ENAH: variants seen among roughly 807,000 people sequenced by gnomAD.
ENAH encodes the protein protein enabled homolog.
Under a neutral mutation model 78.7 loss-of-function variants are expected in ENAH, and 23 were observed. The ratio of observed to expected loss-of-function variants is 0.29; its 90% CI spans 0.21 to 0.41. ENAH has a LOEUF of 0.41. Ranked by LOEUF, ENAH falls within the 10% of genes least tolerant of loss-of-function variation. The probability of loss-of-function intolerance (pLI) is 1.00; values close to 1 mark genes in which losing one functional copy is unlikely to be tolerated. For synonymous variants in ENAH, 226 were observed against 241.0 expected (o/e 0.94, Z 0.58); for missense variants, 544 against 691.0 (o/e 0.79, Z 2.39).
At chr1:225,609,163 A>G (rs543734009) in intron 1 of ENAH, among the ~76,000 whole-genome samples, 1 of 152,250 alleles carries the variant, frequency 6.6e-6, no homozygotes, top group Non-Finnish European at 1.5e-5. Flanking sequence ...ACTGGAACAC[A>G]AAGTTAGAGG....
intron 1 of ENAH, among the ~76,000 whole-genome samples, chr1:225,640,773 C>T (rs868158587): frequency 7.3e-4 from 111 of 151,818 alleles, no homozygotes; most frequent in African/African-American, 2.7e-3. Flanking sequence ...ACAGCGATTA[C>T]ATTTTTTTTA....
At chr1:225,615,037 GGTCTCC>G in intron 1 of ENAH, among the ~76,000 whole-genome samples, 1 of 127,754 alleles carries the variant, frequency 7.8e-6, no homozygotes, top group South Asian at 3.2e-4. Flanking sequence ...CCCTCTCCCC[GGTCTCC>G]CTCTCCCTCT....
In ENAH at chr1:225,632,058, G is replaced by A. The variant is rs76003904; in HGVS notation, c.5+20628C>T. Among the ~76,000 whole-genome samples the A allele has an allele frequency of 8.3e-4, 127 of 152,212 alleles. 1 individual carries two copies. The East Asian group carries it at 0.024, about 28-fold the overall frequency. On this transcript the variant is annotated intron_variant, in intron 1 of 13. Coordinates refer to ENST00000366843, the MANE Select transcript of ENAH (RefSeq NM_018212.6). The stretch of plus-strand genomic sequence containing the variant: ...TTTTCACAAAATTCTACTTCACCTA[G>A]AGAACAAAAAACAAGATTGCAGTTA...
chr1:225,525,316 T>C (rs1355432786), intron 4 of ENAH, among the ~76,000 whole-genome samples: 1 of 152,232 alleles, frequency 6.6e-6, no homozygotes, highest in African/African-American at 2.4e-5. Flanking sequence ...TATCACATAA[T>C]TCACTGCTGA....
In ENAH at chr1:225,497,711, C is replaced by T; in HGVS notation, c.*64G>A. The T allele has an allele frequency of 6.6e-7, 1 of 1,520,264 alleles. No homozygotes were observed. The highest frequency in any genetic ancestry group is 1.2e-5 in the South Asian group (1 of 86,300). 94.2% of individuals were successfully genotyped at this position (1,520,264 alleles called of 1,614,324 possible). A position where few individuals can be genotyped will look rare whatever the true frequency, so the allele number is the denominator to read the frequency against. On this transcript the variant is annotated 3_prime_UTR_variant, in exon 14 of 14. Transcript: ENST00000366843. ...AAATGTAGGGGTTTGCTGTTGTGAACAGTTGTTGTTTGTAGGATATTTTTC... is the reference window on the plus strand; with the variant it reads ...AAATGTAGGGGTTTGCTGTTGTGAATAGTTGTTGTTTGTAGGATATTTTTC...
chr1:225,567,109 G>A (rs2096738619), intron 2 of ENAH, 140 bp downstream of exon 2: 1 of 874,182 alleles, frequency 1.1e-6, no homozygotes, highest in South Asian at 2.0e-5. Flanking sequence ...TAGAAAGGGT[G>A]GAGAGACAAT....
intron 2 of ENAH, among the ~76,000 whole-genome samples, chr1:225,561,317 A>C (rs1575534044): frequency 6.6e-6 from 1 of 151,690 alleles, no homozygotes; most frequent in African/African-American, 2.4e-5. Flanking sequence ...ATAATCTTTA[A>C]AAGTATTAAA....
intron 10 of ENAH, among the ~76,000 whole-genome samples, chr1:225,511,440 A>T (rs2151109080): frequency 6.6e-6 from 1 of 152,338 alleles, no homozygotes; most frequent in African/African-American, 2.4e-5. Flanking sequence ...CAGAAACTTT[A>T]TTCCCTTAAT....
In ENAH at chr1:225,488,407, G is replaced by C. The variant is rs1419183566; in HGVS notation, c.*9368C>G. 6.6e-6 allele frequency: 1 copy of C among 152,126 alleles called. No homozygotes were observed. Among genetic ancestry groups the C allele is most frequent in the Non-Finnish European group, 1.5e-5 (1 of 68,050 alleles). The allele number at this position is 152,126 out of a possible 1,614,324, so 9.4% of individuals were successfully genotyped here. On this transcript the variant is annotated 3_prime_UTR_variant, in exon 14 of 14. Coordinates refer to ENST00000366843, the MANE Select transcript of ENAH (RefSeq NM_018212.6). ...AGGCATTCACTCTGCCTGAAGTTGT[G>C]CTCTGCTCACAGCACGAGTGTGGCT...
chr1:225,597,857 C>T (rs983348142), intron 1 of ENAH, among the ~76,000 whole-genome samples: 2 of 152,168 alleles, frequency 1.3e-5, no homozygotes, highest in Admixed American at 1.3e-4. Flanking sequence ...AGAGCTAGAT[C>T]TGAAATCAAC....
At chr1:225,517,862 A>C (rs1250849827) in intron 5 of ENAH, 2 of 1,551,368 alleles carry the variant, frequency 1.3e-6, no homozygotes, top group East Asian at 4.9e-5. Flanking sequence ...ACTACAGCAT[A>C]ATCAGGAGTG....
intron 1 of ENAH, among the ~76,000 whole-genome samples, chr1:225,638,239 C>T (rs1287416500): frequency 2.0e-5 from 3 of 152,124 alleles, no homozygotes; most frequent in African/African-American, 7.2e-5. Flanking sequence ...AAAAAGCAGC[C>T]TCAACATTCC....
At chr1:225,601,691 T>C (rs1271862447) in intron 1 of ENAH, among the ~76,000 whole-genome samples, 1 of 152,062 alleles carries the variant, frequency 6.6e-6, no homozygotes, top group Non-Finnish European at 1.5e-5. Flanking sequence ...AACCATGTGG[T>C]AGGCACAAGG....
intron 4 of ENAH, among the ~76,000 whole-genome samples, chr1:225,521,697 T>G (rs2096469580): frequency 6.6e-6 from 1 of 151,948 alleles, no homozygotes; most frequent in Non-Finnish European, 1.5e-5. Flanking sequence ...CATAGCACTG[T>G]GGGGAAGATT....
chr1:225,514,322 C>T (rs1410396851), intron 7 of ENAH, among the ~76,000 whole-genome samples: 1 of 151,968 alleles, frequency 6.6e-6, no homozygotes, highest in Non-Finnish European at 1.5e-5. Context: ...ATGTGTCACA[C>T]ATCTGGCTAA....
intron 1 of ENAH, among the ~76,000 whole-genome samples, chr1:225,583,731 C>T (rs2096831070): frequency 6.6e-6 from 1 of 151,518 alleles, no homozygotes; most frequent in African/African-American, 2.4e-5. Flanking sequence ...TCACTTGTAC[C>T]TGGGAGGTGG....
chr1:225,648,948 A>G (rs1662476446), intron 1 of ENAH, among the ~76,000 whole-genome samples: 1 of 152,102 alleles, frequency 6.6e-6, no homozygotes, highest in Admixed American at 6.5e-5. Context: ...CTATAAAATA[A>G]TAAAAATGTG....
At chr1:225,601,474 C>T (rs1227044114) in intron 1 of ENAH, among the ~76,000 whole-genome samples, 3 of 150,544 alleles carry the variant, frequency 2.0e-5, no homozygotes, top group African/African-American at 4.9e-5. Context: ...GCCAAGATGG[C>T]GCCACTGCAC....
chr1:225,524,861 TTA>T (rs1178323627), intron 4 of ENAH, among the ~76,000 whole-genome samples: 1 of 152,214 alleles, frequency 6.6e-6, no homozygotes, highest in Non-Finnish European at 1.5e-5. Context: ...CAAATATTAA[TTA>T]TATGAGTAGG....
Sources: allele counts gnomAD v4.1 joint callset (sites outside exome capture counted in the v4.1 genomes callset), GRCh38; gene constraint gnomAD v4.1.1; transcripts MANE v1.5; gene names NCBI Gene and HGNC (gene_info 2026-07-23, HGNC 2026-07-21).